TMEM132C: variants seen among roughly 807,000 people sequenced by gnomAD.
TMEM132C encodes transmembrane protein 132C.
A neutral mutation model predicts 61.4 loss-of-function variants in TMEM132C; 29 were observed. The observed-to-expected ratio is 0.47, with a 90% CI of 0.35 to 0.64. The LOEUF (loss-of-function observed/expected upper bound fraction) is 0.64, where lower values mean the gene tolerates loss of function less well. Ranked by LOEUF, TMEM132C falls within the 30% of genes least tolerant of loss-of-function variation. The pLI, the probability that TMEM132C is intolerant of heterozygous loss-of-function variation, is 0.00. For missense variants in TMEM132C, 1,408 were observed against 1,476.9 expected (o/e 0.95, Z 0.76); for synonymous variants, 656 against 633.1 (o/e 1.04, Z -0.54).
At chr12:128,476,418 G>A (rs1871157808) in intron 2 of TMEM132C, among the ~76,000 whole-genome samples, 1 of 152,146 alleles carries the variant, frequency 6.6e-6, no homozygotes, top group South Asian at 2.1e-4. Context: ...TAATGACTCC[G>A]GGAGGTTGTA....
intron 3 of TMEM132C, among the ~76,000 whole-genome samples, chr12:128,603,322 T>G (rs1161061805): frequency 2.6e-5 from 4 of 152,076 alleles, no homozygotes; most frequent in African/African-American, 9.7e-5. Context: ...TGCAGAGGGG[T>G]GTGCATACTG....
intron 5 of TMEM132C, among the ~76,000 whole-genome samples, chr12:128,679,835 G>A (rs1268706850): frequency 6.6e-6 from 1 of 152,170 alleles, no homozygotes; most frequent in Non-Finnish European, 1.5e-5. Flanking sequence ...TAGATGCTAT[G>A]GAGAAAACCA....
In TMEM132C at chr12:128,666,801, G is replaced by A. The variant is rs973997824; in HGVS notation, c.1306-2616G>A. Among the ~76,000 whole-genome samples the A allele has an allele frequency of 2.9e-4, 44 of 152,236 alleles. 1 individual carries two copies. Among genetic ancestry groups the A allele is most frequent in the Admixed American group, 2.2e-3 (34 of 15,284 alleles). ...CTATGACTATTAATTCTCTGCTCCT[G>A]AAATTGATATTGGTCAGTGAAAAAT... On this transcript the variant is annotated intron_variant, in intron 4 of 8. Coordinates refer to ENST00000435159, the MANE Select transcript of TMEM132C (RefSeq NM_001136103.3).
At chr12:128,519,731 C>T (rs181885767) in intron 2 of TMEM132C, among the ~76,000 whole-genome samples, 50 of 152,280 alleles carry the variant, frequency 3.3e-4, no homozygotes, top group African/African-American at 1.2e-3. Flanking sequence ...AGGCCAACCT[C>T]GCTAGAAGTC....
At chr12:128,314,233 G>GTGT (rs1872074102) in intron 1 of TMEM132C, among the ~76,000 whole-genome samples, 1 of 152,122 alleles carries the variant, frequency 6.6e-6, no homozygotes, top group Admixed American at 6.5e-5. Context: ...AGGAAGAAAT[G>GTGT]TGTTGTCCAT....
intron 2 of TMEM132C, among the ~76,000 whole-genome samples, chr12:128,538,773 A>G (rs896488806): frequency 2.0e-5 from 3 of 152,038 alleles, no homozygotes; most frequent in Non-Finnish European, 4.4e-5. Context: ...GAGAATTAGG[A>G]TATATCTCTT....
chr12:128,407,606 C>T (rs1057430709), intron 1 of TMEM132C, among the ~76,000 whole-genome samples: 9 of 152,252 alleles, frequency 5.9e-5, no homozygotes, highest in Non-Finnish European at 5.9e-5. Context: ...TCGCACCGCT[C>T]GCCTCCACAT....
At chr12:128,545,010 G>T (rs557867547) in intron 3 of TMEM132C, among the ~76,000 whole-genome samples, 10 of 152,274 alleles carry the variant, frequency 6.6e-5, no homozygotes, top group Middle Eastern at 3.4e-3. Context: ...ACATGTGCAG[G>T]TTTGTTACGT....
chr12:128,557,310 T>A (rs1444018337), intron 3 of TMEM132C, among the ~76,000 whole-genome samples: 1 of 152,150 alleles, frequency 6.6e-6, no homozygotes, highest in African/African-American at 2.4e-5. Context: ...TGACATGTGG[T>A]CCCCAGTCAA....
chr12:128,369,868 C>A (rs1873978550), intron 1 of TMEM132C, among the ~76,000 whole-genome samples: 1 of 152,168 alleles, frequency 6.6e-6, no homozygotes, highest in African/African-American at 2.4e-5. Flanking sequence ...ATTTTGGAGA[C>A]CCTCATATAT....
intron 1 of TMEM132C, among the ~76,000 whole-genome samples, chr12:128,410,045 GCTTAT>G (rs1230550567): frequency 3.9e-5 from 6 of 152,074 alleles, no homozygotes; most frequent in African/African-American, 1.4e-4. Flanking sequence ...GGGAAAAATG[GCTTAT>G]CTTATTACTA....
chr12:128,660,023 T>A (rs1416721168), intron 4 of TMEM132C, among the ~76,000 whole-genome samples: 1 of 152,202 alleles, frequency 6.6e-6, no homozygotes, highest in African/African-American at 2.4e-5. Flanking sequence ...CGTCGTCTCT[T>A]CACCCTTCAA....
At chr12:128,276,691 T>C (rs1870701432) in intron 1 of TMEM132C, among the ~76,000 whole-genome samples, 1 of 152,162 alleles carries the variant, frequency 6.6e-6, no homozygotes, top group African/African-American at 2.4e-5. Flanking sequence ...CATAATTATG[T>C]TTACTTTTGC....
chr12:128,536,383 G>A lies in TMEM132C; in HGVS notation c.975-7574G>A, dbSNP rs542792320. ...AGGGCAGAGAACATCACACACCAGG[G>A]CCTGTCATGGGGTGGGGGGCTGGGG... On this transcript the variant is annotated intron_variant, in intron 2 of 8. Coordinates refer to ENST00000435159, the MANE Select transcript of TMEM132C (RefSeq NM_001136103.3). 7.2e-5 allele frequency among the ~76,000 whole-genome samples: 11 copies of A among 152,170 alleles called. No homozygotes were observed. In the East Asian group the frequency reaches 1.2e-3, roughly 16 times the overall value.
intron 6 of TMEM132C, among the ~76,000 whole-genome samples, chr12:128,694,301 T>A (rs1486728382): frequency 4.6e-5 from 7 of 152,196 alleles, no homozygotes; most frequent in Non-Finnish European, 1.0e-4. Context: ...AGTTAATACA[T>A]TTTTTTAGCA....
At chr12:128,519,918 C>T (rs961172493) in intron 2 of TMEM132C, among the ~76,000 whole-genome samples, 4 of 152,226 alleles carry the variant, frequency 2.6e-5, no homozygotes, top group African/African-American at 9.6e-5. Context: ...TTTTCAATGT[C>T]TTGCCCCTGG....
At chr12:128,524,197 A>G (rs4627148) in intron 2 of TMEM132C, among the ~76,000 whole-genome samples, 143,697 of 152,152 alleles carry the variant, frequency 0.94, 68,307 homozygotes, top group East Asian at 1. Flanking sequence ...TGTAGAGTCC[A>G]GGGCAACTGA....
intron 2 of TMEM132C, among the ~76,000 whole-genome samples, chr12:128,501,645 C>T (rs1872184728): frequency 6.6e-6 from 1 of 152,208 alleles, no homozygotes; most frequent in Admixed American, 6.5e-5. Context: ...GGCTTCAATA[C>T]TTGGAGTTGG....
chr12:128,495,943 C>T (rs1172448107), intron 2 of TMEM132C, among the ~76,000 whole-genome samples: 1 of 152,158 alleles, frequency 6.6e-6, no homozygotes, highest in Non-Finnish European at 1.5e-5. Context: ...GTCTTTACAA[C>T]TTGGCATGTT....
Sources: gnomAD v4.1 joint callset for allele counts (sites outside exome capture counted in the v4.1 genomes callset) on GRCh38, gnomAD v4.1.1 for gene constraint, MANE v1.5 for transcripts, NCBI Gene and HGNC (gene_info 2026-07-23, HGNC 2026-07-21) for gene names.